RALYL: variants seen among roughly 807,000 people sequenced by gnomAD.
The protein encoded by RALYL is RNA-binding Raly-like protein.
A neutral mutation model predicts 35.1 loss-of-function variants in RALYL; 29 were observed. The ratio of observed to expected loss-of-function variants is 0.83; its 90% CI spans 0.61 to 1.13. The LOEUF (loss-of-function observed/expected upper bound fraction) is 1.13. Ranked by LOEUF, RALYL falls within the 50% of genes most tolerant of loss-of-function variation. RALYL has a pLI of 0.00. For missense variants in RALYL, 359 were observed against 360.4 expected (o/e 1.00, Z 0.03); for synonymous variants, 120 against 127.6 (o/e 0.94, Z 0.40).
chr8:84,691,908 C>G (rs1438399818), intron 2 of RALYL, among the ~76,000 whole-genome samples: 1 of 151,884 alleles, frequency 6.6e-6, no homozygotes, highest in Non-Finnish European at 1.5e-5. Flanking sequence ...ATCATGATCA[C>G]ATTGGGTTTA....
At chr8:84,328,280 C>T (rs1846188801) in intron 1 of RALYL, among the ~76,000 whole-genome samples, 1 of 152,194 alleles carries the variant, frequency 6.6e-6, no homozygotes, top group Non-Finnish European at 1.5e-5. Flanking sequence ...GACTTCTTTT[C>T]ACAGCCAAGT....
chr8:84,902,772 G>A (rs1284719478), intron 8 of RALYL, among the ~76,000 whole-genome samples: 1 of 152,112 alleles, frequency 6.6e-6, no homozygotes, highest in Non-Finnish European at 1.5e-5. Flanking sequence ...TTCCATATCT[G>A]TTAAAGGAAG....
At chr8:84,334,734 CTT>C (rs934955764) in intron 1 of RALYL, among the ~76,000 whole-genome samples, 2 of 152,084 alleles carry the variant, frequency 1.3e-5, no homozygotes, top group Non-Finnish European at 2.9e-5. Context: ...TATCAATTCT[CTT>C]TATTTTACCT....
chr8:84,808,026 A>T (rs1166427740), intron 4 of RALYL, among the ~76,000 whole-genome samples: 2 of 152,004 alleles, frequency 1.3e-5, no homozygotes, highest in African/African-American at 4.8e-5. Context: ...AGTCTCAACT[A>T]TTTATCTTTG....
At chr8:84,535,438 CTTT>C (rs35056318) in intron 2 of RALYL, among the ~76,000 whole-genome samples, 1 of 134,602 alleles carries the variant, frequency 7.4e-6, no homozygotes, top group Non-Finnish European at 1.6e-5. Flanking sequence ...GCATCCCTGC[CTTT>C]TTTTTTTTTT....
chr8:84,343,976 C>T (rs1307593325), intron 1 of RALYL, among the ~76,000 whole-genome samples: 1 of 151,696 alleles, frequency 6.6e-6, no homozygotes, highest in Non-Finnish European at 1.5e-5. Flanking sequence ...TGATATATGG[C>T]AATTGTTTTA....
At chr8:84,575,508 C>T (rs1809155503) in intron 2 of RALYL, among the ~76,000 whole-genome samples, 1 of 152,268 alleles carries the variant, frequency 6.6e-6, no homozygotes, top group South Asian at 2.1e-4. Context: ...GGAAAGTGTT[C>T]TTCCTCACAA....
chr8:84,879,806 C>A (rs1161079246), intron 7 of RALYL, among the ~76,000 whole-genome samples: 2 of 151,908 alleles, frequency 1.3e-5, no homozygotes, highest in Non-Finnish European at 2.9e-5. Flanking sequence ...CTAGATCAAA[C>A]CTTTCAACTG....
Position 84,605,635 on chromosome 8 carries a change from A to G in RALYL, c.256+76058A>G, listed in dbSNP as rs73294071. Among the ~76,000 whole-genome samples, 5 of 152,180 alleles carry G rather than the reference A, an allele frequency of 3.3e-5. No individual in the cohort carries two copies. The South Asian group carries it at 8.3e-4, about 25-fold the overall frequency. ...CCACAGCCATGGCATCATTGTGTACATTGGGTCTATTATTAGTCCATTTGC... is the reference window on the plus strand; with the variant it reads ...CCACAGCCATGGCATCATTGTGTACGTTGGGTCTATTATTAGTCCATTTGC... On this transcript the variant is annotated intron_variant, in intron 2 of 8. Coordinates refer to ENST00000521268, the MANE Select transcript of RALYL (RefSeq NM_173848.7).
chr8:84,736,375 C>T (rs147135669), intron 2 of RALYL, among the ~76,000 whole-genome samples: 84 of 152,036 alleles, frequency 5.5e-4, no homozygotes, highest in African/African-American at 1.9e-3. Context: ...TGGGGGATGA[C>T]TGGAAACAAG....
intron 2 of RALYL, among the ~76,000 whole-genome samples, chr8:84,642,030 C>A (rs1025863449): frequency 1.3e-5 from 2 of 151,996 alleles, no homozygotes; most frequent in South Asian, 2.1e-4. Context: ...AGCATTTGGA[C>A]TTAATTTATG....
At chr8:84,559,947 A>G (rs1263722911) in intron 2 of RALYL, among the ~76,000 whole-genome samples, 2 of 151,678 alleles carry the variant, frequency 1.3e-5, no homozygotes, top group Admixed American at 1.3e-4. Context: ...CTGAACTCCT[A>G]CAATCAAGTG....
intron 2 of RALYL, among the ~76,000 whole-genome samples, chr8:84,763,056 A>T (rs1813069998): frequency 6.6e-6 from 1 of 152,190 alleles, no homozygotes. Flanking sequence ...TCCACATGAA[A>T]CACATTTAGT....
chr8:84,620,922 G>A (rs1039495504), intron 2 of RALYL, among the ~76,000 whole-genome samples: 3 of 152,134 alleles, frequency 2.0e-5, no homozygotes, highest in African/African-American at 7.2e-5. Context: ...CAGGGGACAG[G>A]GACCCACTTG....
chr8:84,184,544 A>G (rs549414148), intron 1 of RALYL, 120 bp downstream of exon 1: 3 of 167,564 alleles, frequency 1.8e-5, no homozygotes, highest in African/African-American at 7.2e-5. Flanking sequence ...ATCTCCGGGC[A>G]GTGTCCGAGC....
At chr8:84,688,542 A>T (rs1488677441) in intron 2 of RALYL, among the ~76,000 whole-genome samples, 1 of 152,102 alleles carries the variant, frequency 6.6e-6, no homozygotes, top group Non-Finnish European at 1.5e-5. Context: ...AAAAAACTTG[A>T]TTCTTGTTTT....
At chr8:84,207,515 A>T (rs72696316) in intron 1 of RALYL, among the ~76,000 whole-genome samples, 5,053 of 152,170 alleles carry the variant, frequency 0.033, 130 homozygotes, top group Middle Eastern at 0.058. Flanking sequence ...AATCTAAAAA[A>T]GTCAAAGCTG....
intron 1 of RALYL, among the ~76,000 whole-genome samples, chr8:84,520,550 C>G (rs946038355): frequency 6.6e-6 from 1 of 152,106 alleles, no homozygotes; most frequent in Admixed American, 6.5e-5. Flanking sequence ...ATAGGGGTCC[C>G]TAATCCCTGG....
At chr8:84,909,185 GAC>G (rs146658044) in intron 8 of RALYL, among the ~76,000 whole-genome samples, 1 of 152,070 alleles carries the variant, frequency 6.6e-6, no homozygotes, top group Non-Finnish European at 1.5e-5. Flanking sequence ...GAAAGCTTAT[GAC>G]ACACACAATG....
Sources: gnomAD v4.1 joint callset for allele counts (sites outside exome capture counted in the v4.1 genomes callset) on GRCh38, gnomAD v4.1.1 for gene constraint, MANE v1.5 for transcripts, NCBI Gene and HGNC (gene_info 2026-07-23, HGNC 2026-07-21) for gene names.